Variants in KIAA1217 observed in about 807,000 individuals in gnomAD.
KIAA1217 encodes the protein KIAA1217.
In KIAA1217, 88 loss-of-function variants were observed where a neutral mutation model predicts 163.9. That is an observed-to-expected ratio of 0.54 (90% confidence interval 0.45 to 0.64). The LOEUF is 0.64. Ranked by LOEUF, KIAA1217 falls within the 30% of genes least tolerant of loss-of-function variation. The probability of loss-of-function intolerance (pLI) is 0.00; values close to 1 mark genes in which losing one functional copy is unlikely to be tolerated. For missense variants in KIAA1217, 2,372 were observed against 2,475.0 expected, an observed-to-expected ratio of 0.96 and a Z score of 0.88; for synonymous variants, 903 against 923.1, an observed-to-expected ratio of 0.98 and a Z score of 0.39.
intron 1 of KIAA1217, among the ~76,000 whole-genome samples, chr10:23,910,762 A>G (rs1225844506): frequency 6.6e-6 from 1 of 152,102 alleles, no homozygotes; most frequent in Non-Finnish European, 1.5e-5. Flanking sequence ...CTGATTTCTG[A>G]TGGGGATGTC....
At chr10:24,069,465 G>T (rs2131624206) in intron 2 of KIAA1217, among the ~76,000 whole-genome samples, 1 of 152,300 alleles carries the variant, frequency 6.6e-6, no homozygotes, top group Admixed American at 6.5e-5. Flanking sequence ...GAGACAAGTG[G>T]AATAGAAGCT....
intron 2 of KIAA1217, among the ~76,000 whole-genome samples, chr10:24,258,051 C>G (rs1270742166): frequency 3.3e-5 from 5 of 152,082 alleles, no homozygotes; most frequent in African/African-American, 1.2e-4. Flanking sequence ...GATAGTGGTG[C>G]ATACCTATAA....
intron 2 of KIAA1217, among the ~76,000 whole-genome samples, chr10:24,181,433 C>A (rs2131950534): frequency 6.6e-6 from 1 of 152,220 alleles, no homozygotes; most frequent in South Asian, 2.1e-4. Flanking sequence ...ACAAGATCAA[C>A]CTAACTTGAG....
chr10:24,224,112 C>T (rs183760241), intron 2 of KIAA1217, among the ~76,000 whole-genome samples: 220 of 152,168 alleles, frequency 1.4e-3, no homozygotes, highest in African/African-American at 5.0e-3. Flanking sequence ...TCAAAAAATG[C>T]GGGTGGCCCT....
chr10:24,390,667 G>A lies in KIAA1217; in HGVS notation c.553+9600G>A, dbSNP rs558817766. Reference sequence around the variant, plus strand: ...GCCAAAACATTCTCTTAGTTTTCTCGCACTTGATGTAATGAATGTCCTGAG... The same window carrying A: ...GCCAAAACATTCTCTTAGTTTTCTCACACTTGATGTAATGAATGTCCTGAG... On this transcript the variant is annotated intron_variant, in intron 3 of 20. Coordinates refer to ENST00000376454, the MANE Select transcript of KIAA1217 (RefSeq NM_019590.5). 7.2e-5 allele frequency among the ~76,000 whole-genome samples: 11 copies of A among 152,188 alleles called. No homozygotes were observed. The East Asian group carries it at 1.5e-3, about 21-fold the overall frequency.
intron 16 of KIAA1217, among the ~76,000 whole-genome samples, chr10:24,533,816 A>C (rs995486518): frequency 1.3e-5 from 2 of 152,118 alleles, no homozygotes; most frequent in Non-Finnish European, 2.9e-5. Flanking sequence ...TTAGATATTT[A>C]TTTTTTAACT....
chr10:24,157,513 C>T (rs765033091), intron 2 of KIAA1217, among the ~76,000 whole-genome samples: 107 of 152,218 alleles, frequency 7.0e-4, no homozygotes, highest in Non-Finnish European at 1.3e-3. Context: ...TCAATTTGTT[C>T]TTTTATGGAT....
intron 2 of KIAA1217, among the ~76,000 whole-genome samples, chr10:24,065,431 G>A (rs1188357658): frequency 6.6e-6 from 1 of 152,134 alleles, no homozygotes; most frequent in Non-Finnish European, 1.5e-5. Flanking sequence ...AGGTTGTTCA[G>A]TTTCCATGTA....
chr10:23,821,731 T>C (rs1837628439), intron 1 of KIAA1217, among the ~76,000 whole-genome samples: 1 of 152,238 alleles, frequency 6.6e-6, no homozygotes, highest in South Asian at 2.1e-4. Flanking sequence ...TGTTTTTGCC[T>C]GTTAGTTAGG....
At chr10:24,496,653 G>C (rs547224299) in intron 8 of KIAA1217, among the ~76,000 whole-genome samples, 1 of 152,266 alleles carries the variant, frequency 6.6e-6, no homozygotes, top group East Asian at 1.9e-4. Flanking sequence ...CTAGGGAGAG[G>C]TACAGTTTTT....
chr10:24,047,111 T>C (rs1467039877), intron 2 of KIAA1217, among the ~76,000 whole-genome samples: 1 of 152,208 alleles, frequency 6.6e-6, no homozygotes, highest in Non-Finnish European at 1.5e-5. Flanking sequence ...CACAAAACTG[T>C]AAATGCTCTT....
chr10:24,443,993 ATC>A (rs57003984), intron 5 of KIAA1217, among the ~76,000 whole-genome samples: 7,092 of 151,954 alleles, frequency 0.047, 210 homozygotes, highest in South Asian at 0.11. Flanking sequence ...TCATAATAAA[ATC>A]TGTTTGTTTT....
intron 1 of KIAA1217, among the ~76,000 whole-genome samples, chr10:23,982,490 G>T (rs551973517): frequency 1.4e-5 from 2 of 147,732 alleles, no homozygotes; most frequent in South Asian, 4.3e-4. Flanking sequence ...TAAAAATAGT[G>T]GAAACTTTGT....
At chr10:23,704,164 G>GTATATATA (rs1353063268) in intron 1 of KIAA1217, among the ~76,000 whole-genome samples, 13 of 80,582 alleles carry the variant, frequency 1.6e-4, no homozygotes, top group African/African-American at 7.7e-4. Flanking sequence ...GTGTGTGTGT[G>GTATATATA]TGTGTGTGTA....
intron 1 of KIAA1217, among the ~76,000 whole-genome samples, chr10:23,930,767 A>G (rs1033550242): frequency 2.0e-5 from 3 of 152,168 alleles, no homozygotes; most frequent in Admixed American, 1.3e-4. Flanking sequence ...TCTGATTTAC[A>G]TAAGTTAACT....
At chr10:24,110,333 C>T (rs7913022) in intron 2 of KIAA1217, among the ~76,000 whole-genome samples, 3 of 151,948 alleles carry the variant, frequency 2.0e-5, no homozygotes, top group East Asian at 1.9e-4. Context: ...ATTCAGTGCT[C>T]GTGGGGAGCC....
chr10:23,903,267 T>G (rs547067396), intron 1 of KIAA1217, among the ~76,000 whole-genome samples: 11 of 152,262 alleles, frequency 7.2e-5, no homozygotes, highest in African/African-American at 2.6e-4. Context: ...ATATTGGTGA[T>G]TCTATAATAG....
chr10:24,023,236 C>T (rs1013154665), intron 2 of KIAA1217, among the ~76,000 whole-genome samples: 29 of 151,514 alleles, frequency 1.9e-4, no homozygotes, highest in African/African-American at 7.0e-4. Context: ...CTTTCAATAC[C>T]AAGTATAGTC....
chr10:24,276,538 G>A (rs1417769722), intron 2 of KIAA1217, among the ~76,000 whole-genome samples: 2 of 151,866 alleles, frequency 1.3e-5, no homozygotes, highest in Non-Finnish European at 2.9e-5. Flanking sequence ...TTGAAGTCCT[G>A]GACTCAAGTG....
Sources: gnomAD v4.1 joint callset for allele counts (sites outside exome capture counted in the v4.1 genomes callset) on GRCh38, gnomAD v4.1.1 for gene constraint, MANE v1.5 for transcripts, NCBI Gene and HGNC (gene_info 2026-07-23, HGNC 2026-07-21) for gene names.